PTPRN2: variants seen among roughly 807,000 people sequenced by gnomAD.
The protein encoded by PTPRN2 is receptor-type tyrosine-protein phosphatase N2.
Under a neutral mutation model 118.8 loss-of-function variants are expected in PTPRN2, and 74 were observed. The ratio of observed to expected loss-of-function variants is 0.62; its 90% CI spans 0.52 to 0.76. The LOEUF is 0.76. PTPRN2 is among the 30% of genes least tolerant of loss of function. The pLI is 0.00. For synonymous variants in PTPRN2, 641 were observed against 608.0 expected (o/e 1.05, Z -0.80); for missense variants, 1,481 against 1,394.4 (o/e 1.06, Z -0.99).
At chr7:157,826,007 G>T (rs560767256) in intron 12 of PTPRN2, among the ~76,000 whole-genome samples, 10 of 152,230 alleles carry the variant, frequency 6.6e-5, no homozygotes, top group Admixed American at 6.5e-4. Flanking sequence ...TTGTTCCCCC[G>T]TGCATGTAAG....
In PTPRN2 at chr7:158,570,537, G is replaced by A. The variant is rs1434136672; in HGVS notation, c.112+17021C>T. Among the ~76,000 whole-genome samples, 1 of 152,050 alleles carries A rather than the reference G, an allele frequency of 6.6e-6. No homozygotes were observed. The highest frequency in any genetic ancestry group is 1.5e-5 in the Non-Finnish European group (1 of 68,002). On this transcript the variant is annotated intron_variant, in intron 1 of 22. Coordinates refer to ENST00000389418, the MANE Select transcript of PTPRN2 (RefSeq NM_002847.5). This position sits in a 1 kb window ranked among gnomAD's most constrained non-coding sequence, Gnocchi z 4.5. ...CCCCGTGGTGGGTCCCGATCCCCCG[G>A]CCGGCTCTGCCACTGAAGCCTCTCC...
chr7:158,378,496 CCT>C (rs1336296660), intron 2 of PTPRN2, among the ~76,000 whole-genome samples: 1 of 152,190 alleles, frequency 6.6e-6, no homozygotes, highest in Non-Finnish European at 1.5e-5. Context: ...ACTTCAGCCC[CCT>C]GTCCTCTCCC....
intron 11 of PTPRN2, among the ~76,000 whole-genome samples, chr7:157,988,418 G>A (rs906384718): frequency 6.6e-6 from 1 of 152,194 alleles, no homozygotes; most frequent in Non-Finnish European, 1.5e-5. Context: ...AACCTCCAGA[G>A]CAGAGGACAG....
intron 5 of PTPRN2, among the ~76,000 whole-genome samples, chr7:158,188,188 A>T (rs1563576329): frequency 1.0e-3 from 47 of 47,228 alleles, no homozygotes; most frequent in East Asian, 2.6e-3. Context: ...TCGCCCCGCG[A>T]TGGGGAAGGC....
intron 17 of PTPRN2, among the ~76,000 whole-genome samples, chr7:157,580,214 C>G (rs10278007): frequency 0.24 from 35,777 of 152,056 alleles, 4,882 homozygotes; most frequent in African/African-American, 0.38. Context: ...ATCAAGTTAA[C>G]ATTGGTTTGT....
rs55839128 is a variant in PTPRN2 at position 157,726,121 on chromosome 7, C to T, written c.1789-43184G>A. 7.0e-3 allele frequency among the ~76,000 whole-genome samples: 487 copies of T among 69,414 alleles called. 59 individuals carry two copies. The highest frequency in any genetic ancestry group is 0.03 in the African/African-American group (429 of 14,290). The allele number at this position is 69,414 out of a possible 152,430, so 45.5% of individuals were successfully genotyped here. ...ACCTCCCAGGAAAACTGGATATCCA[C>T]ATGCAGAGGAATGAGCCAGACTCTC... On this transcript the variant is annotated intron_variant, in intron 12 of 22. Transcript: ENST00000389418.
At chr7:158,115,149 GC>G (rs1297024409) in intron 9 of PTPRN2, among the ~76,000 whole-genome samples, 2 of 152,080 alleles carry the variant, frequency 1.3e-5, no homozygotes, top group East Asian at 3.9e-4. Flanking sequence ...CTGCATCCCA[GC>G]CTGGGTGAAA....
At chr7:157,724,991 C>G (rs1799445817) in intron 12 of PTPRN2, among the ~76,000 whole-genome samples, 1 of 152,184 alleles carries the variant, frequency 6.6e-6, no homozygotes, top group Non-Finnish European at 1.5e-5. Context: ...AATTTTATAA[C>G]CTTAAAAATG....
At chr7:158,454,430 C>G (rs933772038) in intron 2 of PTPRN2, among the ~76,000 whole-genome samples, 62 of 146,158 alleles carry the variant, frequency 4.2e-4, no homozygotes, top group African/African-American at 1.5e-3. Context: ...AGACACAACA[C>G]ACACAATCAC....
At chr7:158,048,706 C>A (rs1272123885) in intron 11 of PTPRN2, among the ~76,000 whole-genome samples, 2 of 151,280 alleles carry the variant, frequency 1.3e-5, no homozygotes, top group South Asian at 4.1e-4. Context: ...CAACCACCAT[C>A]ACCATCACCA....
intron 3 of PTPRN2, among the ~76,000 whole-genome samples, chr7:158,265,816 C>T (rs914421284): frequency 2.6e-5 from 4 of 152,258 alleles, no homozygotes; most frequent in Non-Finnish European, 5.9e-5. Flanking sequence ...GGCTCCCCAT[C>T]AGCAGGAGCT....
At chr7:157,647,061 CGGT>C (rs1343625151) in intron 14 of PTPRN2, among the ~76,000 whole-genome samples, 3 of 144,236 alleles carry the variant, frequency 2.1e-5, no homozygotes, top group East Asian at 2.3e-4. Flanking sequence ...GCACTGAACT[CGGT>C]GGGTCGGACC....
intron 9 of PTPRN2, among the ~76,000 whole-genome samples, chr7:158,112,585 A>G (rs2150372944): frequency 6.6e-6 from 1 of 152,318 alleles, no homozygotes; most frequent in South Asian, 2.1e-4. Context: ...GATGGGCAGA[A>G]GCCCCAGGAA....
chr7:158,319,557 G>A (rs796116442), intron 2 of PTPRN2, among the ~76,000 whole-genome samples: 7 of 35,120 alleles, frequency 2.0e-4, no homozygotes, highest in African/African-American at 3.1e-4. Context: ...ACACACACAC[G>A]GTCTCCCTCA....
intron 3 of PTPRN2, among the ~76,000 whole-genome samples, chr7:158,212,450 G>A (rs528001056): frequency 5.9e-5 from 9 of 152,206 alleles, no homozygotes; most frequent in African/African-American, 1.9e-4. Context: ...TTACCCTGAC[G>A]TGATTATTAT....
intron 6 of PTPRN2, among the ~76,000 whole-genome samples, 175 bp from the exon 7 acceptor site, chr7:158,138,690 C>A (rs1819078408): frequency 6.6e-6 from 1 of 152,206 alleles, no homozygotes; most frequent in South Asian, 2.1e-4. Flanking sequence ...AATCTCAAAT[C>A]CACCTGACCC....
chr7:158,070,566 TGGA>T (rs1811212973), intron 11 of PTPRN2, among the ~76,000 whole-genome samples: 2 of 97,172 alleles, frequency 2.1e-5, no homozygotes, highest in Non-Finnish European at 3.9e-5. Flanking sequence ...ATGGTGGTGG[TGGA>T]GGTGCCCGTG....
chr7:157,697,719 T>C (rs1392000444), intron 12 of PTPRN2, among the ~76,000 whole-genome samples: 1 of 143,232 alleles, frequency 7.0e-6, no homozygotes, highest in African/African-American at 2.6e-5. Flanking sequence ...CGTCTACCCA[T>C]GCATACTGGA....
intron 12 of PTPRN2, among the ~76,000 whole-genome samples, chr7:157,795,097 A>G (rs1250190764): frequency 1.5e-5 from 2 of 129,114 alleles, no homozygotes; most frequent in Non-Finnish European, 3.1e-5. Flanking sequence ...TGCACCTGGG[A>G]GGCTCCTGGG....
Sources: allele counts gnomAD v4.1 joint callset (sites outside exome capture counted in the v4.1 genomes callset), GRCh38; gene constraint gnomAD v4.1.1; non-coding constraint Gnocchi (gnomAD v3.1); transcripts MANE v1.5; gene names NCBI Gene and HGNC (gene_info 2026-07-23, HGNC 2026-07-21).